The following DOK5 variants were observed in gnomAD, a reference collection of about 807,000 sequenced individuals.
DOK5 encodes docking protein 5.
In DOK5, 27 loss-of-function variants were observed where a neutral mutation model predicts 43.3. That is an observed-to-expected ratio of 0.62 (90% CI 0.46 to 0.86). The LOEUF (loss-of-function observed/expected upper bound fraction) is 0.86. Ranked by LOEUF, DOK5 falls within the 40% of genes least tolerant of loss-of-function variation. The probability of loss-of-function intolerance (pLI) is 0.00; values close to 1 mark genes in which losing one functional copy is unlikely to be tolerated. For missense variants in DOK5, 373 were observed against 392.9 expected (o/e 0.95, Z 0.43); for synonymous variants, 146 against 140.1 (o/e 1.04, Z -0.30).
At chr20:54,531,562 T>C (rs1477476409) in intron 1 of DOK5, among the ~76,000 whole-genome samples, 1 of 152,222 alleles carries the variant, frequency 6.6e-6, no homozygotes, top group Non-Finnish European at 1.5e-5. Flanking sequence ...AGATAGAAGT[T>C]GAGTCTCTTG....
chr20:54,583,908 C>A (rs928943972), intron 2 of DOK5, among the ~76,000 whole-genome samples: 1 of 151,828 alleles, frequency 6.6e-6, no homozygotes, highest in Non-Finnish European at 1.5e-5. Flanking sequence ...TACCTGTAAT[C>A]CTAGCACTTT....
rs1490586656 is a variant in DOK5, at chr20:54,650,585, T to C, written c.*106T>C. 1 of 1,053,296 alleles carries C rather than the reference T, an allele frequency of 9.5e-7. No homozygotes were observed. Among genetic ancestry groups the C allele is most frequent in the Non-Finnish European group, 1.4e-6 (1 of 705,526 alleles). 65.2% of individuals were successfully genotyped at this position (1,053,296 alleles called of 1,614,324 possible). ...GGAAATGACGACCAAGAGAAGAAGC[T>C]TAAAGTCCTGGCTAATTGTGTGGTC... On this transcript the variant is annotated 3_prime_UTR_variant, in exon 8 of 8. Transcript: ENST00000262593.
chr20:54,572,129 G>A (rs969886247), intron 2 of DOK5, among the ~76,000 whole-genome samples: 7 of 151,348 alleles, frequency 4.6e-5, no homozygotes, highest in Non-Finnish European at 8.8e-5. Flanking sequence ...TTCACCGTCT[G>A]TATGAACAAA....
intron 7 of DOK5, among the ~76,000 whole-genome samples, chr20:54,647,905 C>A (rs920491140): frequency 6.6e-6 from 1 of 152,128 alleles, no homozygotes; most frequent in Non-Finnish European, 1.5e-5. Flanking sequence ...CACGTGCCAC[C>A]AGTGCAGTGC....
chr20:54,603,467 C>T (rs148852878), intron 5 of DOK5, among the ~76,000 whole-genome samples: 2 of 152,340 alleles, frequency 1.3e-5, no homozygotes, highest in South Asian at 4.1e-4. Flanking sequence ...CAACAGTTCC[C>T]TAAACTCGGA....
chr20:54,482,834 C>A (rs1981775088), intron 1 of DOK5, among the ~76,000 whole-genome samples: 1 of 152,146 alleles, frequency 6.6e-6, no homozygotes, highest in African/African-American at 2.4e-5. Context: ...TATGTATGCA[C>A]ATGCACATAT....
In DOK5 at chr20:54,554,943, G is replaced by A. The variant is rs1416515891; in HGVS notation, c.77G>A (p.Arg26Gln). The A allele has an allele frequency of 4.3e-6, 7 of 1,610,724 alleles. No homozygotes were observed. Among genetic ancestry groups the A allele is most frequent in the Middle Eastern group, 1.7e-4 (1 of 6,056 alleles). The change falls in exon 2 of 8, where the codon CGA (arginine) becomes CAA (glutamine). Residue 26 changes from arginine (R) to glutamine (Q), a missense_variant. Physicochemically the swap from Arg to Gln is conservative, Grantham distance 43. Transcript: ENST00000262593. Reference protein sequence around the residue: ...IRSRRLGIYQRCWLVFKKASS... With the variant: ...IRSRRLGIYQQCWLVFKKASS... Reference sequence around the variant, plus strand: ...TGTATTTCCTTCCAGATTTATCAGCGATGCTGGTTAGTATTCAAGAAAGCT... The same window carrying A: ...TGTATTTCCTTCCAGATTTATCAGCAATGCTGGTTAGTATTCAAGAAAGCT...
intron 6 of DOK5, among the ~76,000 whole-genome samples, chr20:54,631,338 C>A (rs542242336): frequency 6.6e-6 from 1 of 151,938 alleles, no homozygotes; most frequent in South Asian, 2.1e-4. Context: ...ATAACTGGAG[C>A]CCAAGAGACT....
chr20:54,584,467 T>C (rs116223374), intron 2 of DOK5, among the ~76,000 whole-genome samples: 1,555 of 151,758 alleles, frequency 0.01, 25 homozygotes, highest in African/African-American at 0.035. Flanking sequence ...CAGACTCCTT[T>C]ATGTTATCAT....
intron 1 of DOK5, among the ~76,000 whole-genome samples, chr20:54,478,474 T>C (rs115735908): frequency 0.011 from 1,624 of 152,348 alleles, 40 homozygotes; most frequent in African/African-American, 0.037. Context: ...TAAGTTCATG[T>C]TGAAATATGT....
intron 1 of DOK5, among the ~76,000 whole-genome samples, chr20:54,548,307 T>A (rs1003048023): frequency 2.0e-5 from 3 of 152,106 alleles, no homozygotes; most frequent in African/African-American, 7.2e-5. Flanking sequence ...CAATCTTGAC[T>A]CACTGCAGCC....
At chr20:54,596,190 C>T (rs1165164311) in intron 5 of DOK5, among the ~76,000 whole-genome samples, 1 of 152,196 alleles carries the variant, frequency 6.6e-6, no homozygotes, top group Non-Finnish European at 1.5e-5. Context: ...GTGAAGGTTT[C>T]ATGTCTGCCT....
intron 1 of DOK5, among the ~76,000 whole-genome samples, chr20:54,534,203 T>G (rs1209207624): frequency 6.6e-6 from 1 of 152,238 alleles, no homozygotes; most frequent in African/African-American, 2.4e-5. Context: ...GCTTCTTTTT[T>G]TGAGACAGGG....
chr20:54,590,942 C>T (rs1038851668), intron 4 of DOK5, among the ~76,000 whole-genome samples: 3 of 152,100 alleles, frequency 2.0e-5, no homozygotes, highest in Non-Finnish European at 4.4e-5. Context: ...GGTTAATCAG[C>T]CAAGCAGTTT....
chr20:54,496,373 A>G (rs1982391769), intron 1 of DOK5, among the ~76,000 whole-genome samples: 1 of 152,238 alleles, frequency 6.6e-6, no homozygotes, highest in African/African-American at 2.4e-5. Context: ...AATGTTTCCT[A>G]CTATTCTCTG....
At chr20:54,566,369 T>C (rs1176658851) in intron 2 of DOK5, among the ~76,000 whole-genome samples, 1 of 152,156 alleles carries the variant, frequency 6.6e-6, no homozygotes, top group Non-Finnish European at 1.5e-5. Flanking sequence ...ATAAAATTGG[T>C]ATGAATATTC....
rs756105845 is a variant in DOK5, at chr20:54,591,732, C to T, written c.526C>T (p.Leu176Phe). The change falls in exon 5 of 8, where the codon CTC (leucine) becomes TTC (phenylalanine). Residue 176 changes from leucine to phenylalanine, a missense_variant. Physicochemically the swap from Leu to Phe is conservative, Grantham distance 22 (BLOSUM62 0). Transcript: ENST00000262593. Reference protein sequence around the residue: ...LWDVQNPRVKLISWPLSALRR... With the variant: ...LWDVQNPRVKFISWPLSALRR... ...GGACGTCCAGAATCCCAGAGTCAAA[C>T]TCATCTCTTGGCCGCTAAGCGCCCT... 3.7e-6 allele frequency: 6 copies of T among 1,614,250 alleles called. No homozygotes were observed. Among genetic ancestry groups the T allele is most frequent in the South Asian group, 2.2e-5 (2 of 91,084 alleles).
chr20:54,497,683 T>G (rs755167499), intron 1 of DOK5, among the ~76,000 whole-genome samples: 4 of 152,220 alleles, frequency 2.6e-5, no homozygotes, highest in Non-Finnish European at 5.9e-5. Context: ...TATATATTTC[T>G]GCATGCTTGT....
intron 1 of DOK5, among the ~76,000 whole-genome samples, chr20:54,476,531 G>A (rs1453653992): frequency 1.3e-5 from 2 of 152,128 alleles, no homozygotes; most frequent in African/African-American, 4.8e-5. Context: ...CCCAGGTGTC[G>A]TGTCAAAGGC....
Sources: allele counts gnomAD v4.1 joint callset (sites outside exome capture counted in the v4.1 genomes callset), GRCh38; gene constraint gnomAD v4.1.1; transcripts MANE v1.5; gene names NCBI Gene and HGNC (gene_info 2026-07-23, HGNC 2026-07-21).